NOL4: variants seen among roughly 807,000 people sequenced by gnomAD.
NOL4 encodes the protein cancer/testis antigen 125.
Under a neutral mutation model 75.9 loss-of-function variants are expected in NOL4, and 17 were observed. The ratio of observed to expected loss-of-function variants is 0.22; its 90% CI spans 0.15 to 0.34. The LOEUF is 0.34. Ranked by LOEUF, NOL4 falls within the 10% of genes least tolerant of loss-of-function variation. The probability of loss-of-function intolerance (pLI) is 1.00; values close to 1 mark genes in which losing one functional copy is unlikely to be tolerated. For synonymous variants in NOL4, 292 were observed against 289.9 expected, an observed-to-expected ratio of 1.01 and a Z score of -0.07; for missense variants, 614 against 793.5, an observed-to-expected ratio of 0.77 and a Z score of 2.72.
At position 34,028,883 on chromosome 18, in the gene NOL4, C is replaced by T. The variant is rs544420457; in HGVS notation, c.773-9282G>A. On this transcript the variant is annotated intron_variant, in intron 5 of 10. Coordinates refer to ENST00000261592, the MANE Select transcript of NOL4 (RefSeq NM_003787.5). The stretch of plus-strand genomic sequence containing the variant: ...ACAGGGGTCCATGATGAATACAAAA[C>T]TATTTCAATATTCCAATTTTTGAAG... 5.9e-5 allele frequency among the ~76,000 whole-genome samples: 9 copies of T among 152,306 alleles called. No individual in the cohort carries two copies. In the South Asian group the frequency reaches 1.9e-3, roughly 32 times the overall value.
At chr18:34,166,246 A>G (rs1182594599) in intron 1 of NOL4, among the ~76,000 whole-genome samples, 1 of 152,154 alleles carries the variant, frequency 6.6e-6, no homozygotes, top group East Asian at 1.9e-4. Context: ...GAGCCAGTGG[A>G]TACCAAGGAA....
At chr18:33,901,403 A>G (rs1408340654) in intron 9 of NOL4, among the ~76,000 whole-genome samples, 1 of 152,180 alleles carries the variant, frequency 6.6e-6, no homozygotes, top group Non-Finnish European at 1.5e-5. Context: ...AATTTAAATG[A>G]TGACTGGCTT....
intron 9 of NOL4, among the ~76,000 whole-genome samples, chr18:33,926,487 C>T (rs1192930290): frequency 6.6e-6 from 1 of 151,546 alleles, no homozygotes; most frequent in Non-Finnish European, 1.5e-5. Flanking sequence ...TGAAAACAAT[C>T]TCTTCCATGC....
At chr18:34,193,123 A>G (rs922345862) in intron 1 of NOL4, among the ~76,000 whole-genome samples, 1 of 152,188 alleles carries the variant, frequency 6.6e-6, no homozygotes, top group African/African-American at 2.4e-5. Flanking sequence ...AAAATTATTA[A>G]AGACTTACAC....
intron 4 of NOL4, among the ~76,000 whole-genome samples, chr18:34,101,494 A>G (rs2079040776): frequency 6.6e-6 from 1 of 152,132 alleles, no homozygotes. Context: ...AGGACATGCC[A>G]ATTGCAAAAA....
At chr18:33,980,820 C>A (rs1216354709) in intron 6 of NOL4, among the ~76,000 whole-genome samples, 1 of 151,784 alleles carries the variant, frequency 6.6e-6, no homozygotes, top group Non-Finnish European at 1.5e-5. Context: ...ACTAAAAGGC[C>A]AAAAGCATAA....
chr18:34,135,758 C>A (rs2080866273), intron 1 of NOL4, among the ~76,000 whole-genome samples: 1 of 150,686 alleles, frequency 6.6e-6, no homozygotes, highest in Non-Finnish European at 1.5e-5. Flanking sequence ...CCTCACTGAA[C>A]CAAACATTCA....
rs530143804 is a variant in NOL4 at position 34,213,750 on chromosome 18, C to T, written c.264+9240G>A. On this transcript the variant is annotated intron_variant, in intron 1 of 10. Transcript: ENST00000261592. ...TTCTTGGACTTCCCAACCCTCAGAA[C>T]TGTAAGAAATAAATCCTCATTCTTT... Among the ~76,000 whole-genome samples the T allele has an allele frequency of 2.6e-5, 4 of 152,300 alleles. No individual in the cohort carries two copies. The South Asian group carries it at 8.3e-4, about 32-fold the overall frequency.
At chr18:33,906,025 C>A (rs1599821823) in intron 9 of NOL4, among the ~76,000 whole-genome samples, 1 of 152,202 alleles carries the variant, frequency 6.6e-6, no homozygotes, top group African/African-American at 2.4e-5. Flanking sequence ...AAACTCATCA[C>A]TCCTTTTGTG....
chr18:33,895,690 G>A (rs1189711344), intron 9 of NOL4, among the ~76,000 whole-genome samples: 2 of 151,994 alleles, frequency 1.3e-5, no homozygotes, highest in Non-Finnish European at 2.9e-5. Context: ...TAAACCCACA[G>A]CCAATATTAT....
At chr18:34,066,412 A>G (rs2077277007) in intron 5 of NOL4, among the ~76,000 whole-genome samples, 1 of 151,920 alleles carries the variant, frequency 6.6e-6, no homozygotes, top group African/African-American at 2.4e-5. Flanking sequence ...AAGAGTCTTC[A>G]CAGCTGCTTA....
intron 1 of NOL4, among the ~76,000 whole-genome samples, chr18:34,148,492 AG>A (rs1268950878): frequency 6.6e-6 from 1 of 152,114 alleles, no homozygotes; most frequent in Non-Finnish European, 1.5e-5. Flanking sequence ...ATTCAGTAGC[AG>A]GTTGTTCAGT....
At chr18:34,046,320 C>T (rs1449770520) in intron 5 of NOL4, among the ~76,000 whole-genome samples, 3 of 151,828 alleles carry the variant, frequency 2.0e-5, no homozygotes, top group Non-Finnish European at 4.4e-5. Context: ...GGAGGATGAC[C>T]TGGTCCTCAC....
At chr18:33,997,374 T>C (rs1164605891) in intron 6 of NOL4, among the ~76,000 whole-genome samples, 1 of 151,870 alleles carries the variant, frequency 6.6e-6, no homozygotes. Flanking sequence ...TTGTCAAAGA[T>C]GGTTGTAGGT....
At chr18:34,046,665 A>G (rs1203224180) in intron 5 of NOL4, among the ~76,000 whole-genome samples, 3 of 111,496 alleles carry the variant, frequency 2.7e-5, no homozygotes, top group Non-Finnish European at 5.8e-5. Flanking sequence ...TGCTATCTCA[A>G]TAAATGGTGC....
At chr18:34,010,143 C>T (rs186977158) in intron 6 of NOL4, among the ~76,000 whole-genome samples, 1 of 151,856 alleles carries the variant, frequency 6.6e-6, no homozygotes. Context: ...ATCTACACTT[C>T]CCCCCTCTCC....
At position 34,077,248 on chromosome 18, in the gene NOL4, CA is replaced by C. The variant is rs570199614; in HGVS notation, c.772+16216del. Among the ~76,000 whole-genome samples the C allele has an allele frequency of 1.4e-4, 21 of 152,240 alleles. No individual in the cohort carries two copies. In the South Asian group the frequency reaches 4.1e-3, roughly 30 times the overall value. On this transcript the variant is annotated intron_variant, in intron 5 of 10. Transcript: ENST00000261592. Reference sequence around the variant, plus strand: ...ATCTGAACCCCAGTGGTTGAGGCTGCAGTGAGCTGTGATCATGCTACTGCAC... The same window carrying C: ...ATCTGAACCCCAGTGGTTGAGGCTGCGTGAGCTGTGATCATGCTACTGCAC...
intron 1 of NOL4, among the ~76,000 whole-genome samples, chr18:34,181,270 A>G (rs1211346949): frequency 2.6e-5 from 4 of 151,634 alleles, no homozygotes; most frequent in Non-Finnish European, 5.9e-5. Context: ...AAACACATAT[A>G]GTTATGTAAA....
intron 9 of NOL4, among the ~76,000 whole-genome samples, chr18:33,902,156 T>A (rs1397508900): frequency 6.7e-6 from 1 of 149,120 alleles, no homozygotes; most frequent in African/African-American, 2.5e-5. Flanking sequence ...ATTCAGTTAG[T>A]TTTTTTTTTA....
Sources: gnomAD v4.1 joint callset for allele counts (sites outside exome capture counted in the v4.1 genomes callset) on GRCh38, gnomAD v4.1.1 for gene constraint, MANE v1.5 for transcripts, NCBI Gene and HGNC (gene_info 2026-07-23, HGNC 2026-07-21) for gene names.